ANKRD6: variants seen among roughly 807,000 people sequenced by gnomAD.
ANKRD6 encodes ankyrin repeat domain 6, also known as ankyrin repeat domain-containing protein 6.
Under a neutral mutation model 82.3 loss-of-function variants are expected in ANKRD6, and 56 were observed. That is an observed-to-expected ratio of 0.68 (90% CI 0.55 to 0.85). The LOEUF (loss-of-function observed/expected upper bound fraction) is 0.85, where lower values mean the gene tolerates loss of function less well. ANKRD6 is among the 40% of genes least tolerant of loss of function. The pLI is 0.00. For missense variants in ANKRD6, 852 were observed against 907.6 expected (o/e 0.94, Z 0.79); for synonymous variants, 347 against 352.1 (o/e 0.99, Z 0.16).
At chr6:89,621,438 T>C (rs565221478) in intron 9 of ANKRD6, 19 of 169,046 alleles carry the variant, frequency 1.1e-4, no homozygotes, top group Non-Finnish European at 2.2e-4. Context: ...TTTAATAATA[T>C]TTTGAATCAA....
intron 2 of ANKRD6, among the ~76,000 whole-genome samples, chr6:89,577,498 T>G (rs929682349): frequency 2.0e-5 from 3 of 147,402 alleles, no homozygotes; most frequent in African/African-American, 7.5e-5. Context: ...AACAGGTGTT[T>G]TGTCATCTGG....
intron 3 of ANKRD6, 66 bp downstream of exon 3, chr6:89,596,080 A>G (rs1795825487): frequency 1.5e-6 from 2 of 1,379,306 alleles, no homozygotes; most frequent in Middle Eastern, 1.8e-4. Flanking sequence ...AGAAATCCAC[A>G]AAGTGTAAGC....
intron 1 of ANKRD6, among the ~76,000 whole-genome samples, chr6:89,439,485 G>A (rs1305706849): frequency 6.6e-6 from 1 of 152,114 alleles, no homozygotes; most frequent in Non-Finnish European, 1.5e-5. Context: ...TTGTGCCCAA[G>A]AGGGTGCACA....
intron 1 of ANKRD6, among the ~76,000 whole-genome samples, chr6:89,514,578 C>T (rs1403395123): frequency 1.3e-5 from 2 of 152,108 alleles, no homozygotes; most frequent in Non-Finnish European, 2.9e-5. Context: ...AAAAGACTGT[C>T]ATAATATATT....
At chr6:89,504,406 C>T (rs1034534958) in intron 1 of ANKRD6, among the ~76,000 whole-genome samples, 4 of 137,528 alleles carry the variant, frequency 2.9e-5, no homozygotes, top group African/African-American at 5.0e-5. Context: ...CGCTCTCGCT[C>T]GCGCTCTCGC....
rs1328737618 is a variant in ANKRD6, at chr6:89,595,862, A to G, written c.121-54A>G. 24 of 1,435,296 alleles carry G rather than the reference A, an allele frequency of 1.7e-5. No homozygotes were observed. The East Asian group carries it at 3.2e-4, about 19-fold the overall frequency. 88.9% of individuals were successfully genotyped at this position (1,435,296 alleles called of 1,614,324 possible). A position where few individuals can be genotyped will look rare whatever the true frequency, so the allele number is the denominator to read the frequency against. On this transcript the variant is annotated intron_variant, in intron 2 of 15. Coordinates refer to ENST00000339746, the MANE Select transcript of ANKRD6 (RefSeq NM_001242809.2). ...CTTGCTCTAGGCCCTCTGTCTCCCA[A>G]GGGAGTAGCATTGAGGACTTGTTCC...
chr6:89,520,418 C>T (rs531552719), intron 1 of ANKRD6, among the ~76,000 whole-genome samples: 2 of 152,254 alleles, frequency 1.3e-5, no homozygotes, highest in Non-Finnish European at 2.9e-5. Context: ...AGCATCACAA[C>T]AAACAGCAGA....
At position 89,618,392 on chromosome 6, in the gene ANKRD6, G is replaced by A. The variant is rs541575429; in HGVS notation, c.792+361G>A. 6 of 582,470 alleles carry A rather than the reference G, an allele frequency of 1.0e-5. No individual in the cohort carries two copies. In the East Asian group the frequency reaches 1.7e-4, roughly 17 times the overall value. The allele number at this position is 582,470 out of a possible 1,614,324, so 36.1% of individuals were successfully genotyped here. On this transcript the variant is annotated intron_variant, in intron 9 of 15. Transcript: ENST00000339746. Reference sequence around the variant, plus strand: ...CCAAATGCCCATCCCTGAAGAAGTGGGACAGGGACTTTAAGAAGAGAAGTG... The same window carrying A: ...CCAAATGCCCATCCCTGAAGAAGTGAGACAGGGACTTTAAGAAGAGAAGTG...
intron 9 of ANKRD6, among the ~76,000 whole-genome samples, chr6:89,619,185 C>T (rs1386370992): frequency 6.6e-6 from 1 of 151,934 alleles, no homozygotes; most frequent in African/African-American, 2.4e-5. Context: ...ACAGAGCTCC[C>T]GACAAAAGAA....
intron 1 of ANKRD6, among the ~76,000 whole-genome samples, chr6:89,434,624 A>G (rs2127916486): frequency 6.6e-6 from 1 of 152,222 alleles, no homozygotes; most frequent in East Asian, 1.9e-4. Flanking sequence ...TTATTTTACT[A>G]GAGACAGAGT....
intron 1 of ANKRD6, among the ~76,000 whole-genome samples, chr6:89,493,696 G>A (rs574573450): frequency 6.6e-6 from 1 of 152,238 alleles, no homozygotes; most frequent in East Asian, 1.9e-4. Flanking sequence ...AATTACAGGT[G>A]TGAGCCGCCA....
intron 1 of ANKRD6, among the ~76,000 whole-genome samples, chr6:89,494,653 T>G (rs1341249758): frequency 6.6e-6 from 1 of 152,168 alleles, no homozygotes; most frequent in African/African-American, 2.4e-5. Flanking sequence ...AGAAGTGGCT[T>G]GAACTCCTGC....
chr6:89,498,008 T>A (rs753730271), intron 1 of ANKRD6, among the ~76,000 whole-genome samples: 1 of 152,216 alleles, frequency 6.6e-6, no homozygotes, highest in Non-Finnish European at 1.5e-5. Flanking sequence ...TCATTGCGCA[T>A]AATGTTTTTG....
intron 1 of ANKRD6, among the ~76,000 whole-genome samples, chr6:89,479,592 AT>A (rs1776525166): frequency 1.3e-5 from 2 of 148,942 alleles, no homozygotes; most frequent in Admixed American, 1.3e-4. Context: ...TTCTTTTTTT[AT>A]TTTTTATTTT....
chr6:89,591,343 C>T (rs369837709), intron 2 of ANKRD6, among the ~76,000 whole-genome samples: 7 of 152,146 alleles, frequency 4.6e-5, no homozygotes, highest in East Asian at 3.9e-4. Flanking sequence ...CTCAAGTGAT[C>T]CACCCGCCTT....
intron 1 of ANKRD6, among the ~76,000 whole-genome samples, chr6:89,515,866 CAG>C (rs1472923982): frequency 6.6e-6 from 1 of 152,160 alleles, no homozygotes; most frequent in African/African-American, 2.4e-5. Context: ...ATAAGAAAGA[CAG>C]AGGGAAATTA....
At chr6:89,593,715 G>T (rs903980390) in intron 2 of ANKRD6, among the ~76,000 whole-genome samples, 1 of 152,194 alleles carries the variant, frequency 6.6e-6, no homozygotes, top group Non-Finnish European at 1.5e-5. Flanking sequence ...AAGACCTTAG[G>T]GGTATGCTTC....
At chr6:89,473,764 A>G (rs560109992) in intron 1 of ANKRD6, among the ~76,000 whole-genome samples, 1 of 152,102 alleles carries the variant, frequency 6.6e-6, no homozygotes, top group South Asian at 2.1e-4. Flanking sequence ...GGATCACTTG[A>G]GGTCAGGAGT....
chr6:89,453,481 AT>A (rs1455612173), intron 1 of ANKRD6, among the ~76,000 whole-genome samples: 1 of 152,118 alleles, frequency 6.6e-6, no homozygotes, highest in East Asian at 1.9e-4. Flanking sequence ...TACAACAAGC[AT>A]CTTTTCTTTG....
Sources: gnomAD v4.1 joint callset for allele counts (sites outside exome capture counted in the v4.1 genomes callset) on GRCh38, gnomAD v4.1.1 for gene constraint, MANE v1.5 for transcripts, NCBI Gene and HGNC (gene_info 2026-07-23, HGNC 2026-07-21) for gene names.